Variants in CADM3 observed in about 807,000 individuals in gnomAD.
CADM3 encodes the protein TSLC1-like 1.
In CADM3, 11 loss-of-function variants were observed where a neutral mutation model predicts 44.9. The observed-to-expected ratio is 0.25, with a 90% CI of 0.15 to 0.41. CADM3 has a LOEUF of 0.41. Ranked by LOEUF, CADM3 falls within the 10% of genes least tolerant of loss-of-function variation. The pLI, the probability that CADM3 is intolerant of heterozygous loss-of-function variation, is 1.00. For missense variants in CADM3, 426 were observed against 512.0 expected, an observed-to-expected ratio of 0.83 and a Z score of 1.62; for synonymous variants, 207 against 205.2, an observed-to-expected ratio of 1.01 and a Z score of -0.08.
intron 1 of CADM3, 24 bp from the exon 2 acceptor site, chr1:159,191,912 A>T (rs200044834): frequency 6.2e-7 from 1 of 1,613,584 alleles, no homozygotes; most frequent in Non-Finnish European, 8.5e-7. Context: ...TCCTCAGGAA[A>T]CTAACACTCT....
intron 3 of CADM3, 101 bp from the exon 4 acceptor site, chr1:159,193,322 T>C: frequency 1.6e-6 from 2 of 1,240,202 alleles, no homozygotes; most frequent in Non-Finnish European, 2.3e-6. Flanking sequence ...GAAATTATAG[T>C]AGAACCCAGG....
intron 5 of CADM3, chr1:159,195,159 C>T (rs1649836651): frequency 6.6e-6 from 1 of 152,348 alleles, no homozygotes. Context: ...ATTTGGCAGA[C>T]TCAATCCACA....
At chr1:159,189,778 G>C in intron 1 of CADM3, 1 of 1,605,372 alleles carries the variant, frequency 6.2e-7, no homozygotes. Flanking sequence ...CAGGCTACTG[G>C]CAGGAGCAGG....
At chr1:159,182,218 G>A (rs1314161524) in intron 1 of CADM3, among the ~76,000 whole-genome samples, 2 of 152,176 alleles carry the variant, frequency 1.3e-5, no homozygotes, top group East Asian at 3.8e-4. Flanking sequence ...AGTGTAAGAA[G>A]ATGCCATCCG....
intron 1 of CADM3, chr1:159,189,963 T>C: frequency 2.5e-6 from 2 of 808,804 alleles, no homozygotes; most frequent in Non-Finnish European, 4.1e-6. Flanking sequence ...CACCACATGT[T>C]CTCACTCCTC....
intron 8 of CADM3, 23 bp from the exon 9 acceptor site, chr1:159,200,781 G>C: frequency 6.4e-7 from 1 of 1,550,994 alleles, no homozygotes; most frequent in South Asian, 1.2e-5. Context: ...CTCCTGAGAG[G>C]AGAAGCCTCT....
chr1:159,175,402 T>G (rs1402738401), intron 1 of CADM3, among the ~76,000 whole-genome samples: 2 of 152,242 alleles, frequency 1.3e-5, no homozygotes, highest in Non-Finnish European at 2.9e-5. Context: ...GTTATGCCAT[T>G]CTATTCTAAG....
At chr1:159,181,582 T>C (rs1226399931) in intron 1 of CADM3, among the ~76,000 whole-genome samples, 2 of 152,234 alleles carry the variant, frequency 1.3e-5, no homozygotes, top group Non-Finnish European at 2.9e-5. Context: ...TAGATGCTTG[T>C]CTAGAGCACA....
rs754781549 is a variant in CADM3, at chr1:159,185,394, T to C, written c.89-6542T>C. On this transcript the variant is annotated intron_variant, in intron 1 of 8. Transcript: ENST00000368125. ...ATCTTTCCCAGTTTACGCTCTACCC[T>C]ACCACCACACACACAAAATACATGC... 5.3e-5 allele frequency among the ~76,000 whole-genome samples: 8 copies of C among 151,840 alleles called. No homozygotes were observed. The South Asian group carries it at 1.7e-3, about 32-fold the overall frequency.
Position 159,197,359 on chromosome 1 carries a change from C to T in CADM3, c.952+299C>T, listed in dbSNP as rs1649948663. ...TTGTCTGACAACAAGAACAATAATT[C>T]TGTGTGCAGAGGCCCCAAAGCCTCT... On this transcript the variant is annotated intron_variant, in intron 7 of 8. Coordinates refer to ENST00000368125, the MANE Select transcript of CADM3 (RefSeq NM_001127173.3). The T allele has an allele frequency of 1.4e-5, 4 of 288,528 alleles. No homozygotes were observed. In the East Asian group the frequency reaches 2.9e-4, roughly 21 times the overall value. 17.9% of individuals were successfully genotyped at this position (288,528 alleles called of 1,614,324 possible). A position where few individuals can be genotyped will look rare whatever the true frequency, so the allele number is the denominator to read the frequency against.
chr1:159,189,886 C>G (rs778793497), intron 1 of CADM3: 2 of 1,563,472 alleles, frequency 1.3e-6, no homozygotes, highest in African/African-American at 2.7e-5. Context: ...AGAATCCAGG[C>G]CCCCTCATCT....
chr1:159,176,562 C>G (rs2102092090), intron 1 of CADM3, among the ~76,000 whole-genome samples: 1 of 152,276 alleles, frequency 6.6e-6, no homozygotes, highest in Non-Finnish European at 1.5e-5. Context: ...GGCTAGAGAC[C>G]TGTTTCTGCC....
chr1:159,173,006 C>G (rs907398391), intron 1 of CADM3, among the ~76,000 whole-genome samples: 1 of 152,042 alleles, frequency 6.6e-6, no homozygotes, highest in East Asian at 1.9e-4. Context: ...TCCTCCTCCC[C>G]CCACCGCCCT....
intron 1 of CADM3, among the ~76,000 whole-genome samples, chr1:159,175,971 G>T (rs1236634810): frequency 6.6e-6 from 1 of 152,150 alleles, no homozygotes; most frequent in East Asian, 1.9e-4. Flanking sequence ...TGTAAAACAG[G>T]ATCAAAAGTT....
At position 159,193,970 on chromosome 1, in the gene CADM3, C is replaced by T. The variant is rs371655700; in HGVS notation, c.621C>T (p.Ile207=). The change falls in exon 5 of 9, where the codon ATC becomes ATT. Residue 207 remains isoleucine (I), a synonymous_variant. Coordinates refer to ENST00000368125, the MANE Select transcript of CADM3 (RefSeq NM_001127173.3). ...CCCGGGAGGATGATGGGGCGAGCAT[C>T]GTGTGCTCTGTGAACCATGAATCTC... The part of the protein sequence containing the change: ...QVTREDDGAS[I]VCSVNHESLK... The T allele has an allele frequency of 1.5e-5, 24 of 1,614,050 alleles. No individual in the cohort carries two copies. The highest frequency in any genetic ancestry group is 2.2e-5 in the East Asian group (1 of 44,896).
chr1:159,186,597 C>CGG (rs1649429206), intron 1 of CADM3, among the ~76,000 whole-genome samples: 4 of 152,140 alleles, frequency 2.6e-5, no homozygotes, highest in African/African-American at 9.7e-5. Context: ...CTTTCACAAC[C>CGG]CAGGTTATAA....
chr1:159,198,256 CAG>C (rs763617742), intron 7 of CADM3: 4 of 152,320 alleles, frequency 2.6e-5, no homozygotes, highest in Middle Eastern at 3.4e-3. Context: ...TACCTAGAGA[CAG>C]GGGCCTGTAA....
chr1:159,174,341 C>T (rs1469923026), intron 1 of CADM3, among the ~76,000 whole-genome samples: 1 of 152,176 alleles, frequency 6.6e-6, no homozygotes, highest in Non-Finnish European at 1.5e-5. Context: ...CTATTTTGCA[C>T]ACAATCATGG....
In CADM3 at chr1:159,171,622, T is replaced by A. The variant is rs1219755844; in HGVS notation, c.-144T>A. ...CGCGACTGCAGCAGCGCCGGCTCCC[T>A]CCCGGTCCCCACCTCGGCCCCGGGC... On this transcript the variant is annotated 5_prime_UTR_variant, in exon 1 of 9. Coordinates refer to ENST00000368125, the MANE Select transcript of CADM3 (RefSeq NM_001127173.3). 4 of 412,652 alleles carry A rather than the reference T, an allele frequency of 9.7e-6. No homozygotes were observed. The highest frequency in any genetic ancestry group is 1.5e-5 in the Non-Finnish European group (4 of 260,234). 25.6% of individuals were successfully genotyped at this position (412,652 alleles called of 1,614,324 possible).
Sources: allele counts gnomAD v4.1 joint callset (sites outside exome capture counted in the v4.1 genomes callset), GRCh38; gene constraint gnomAD v4.1.1; transcripts MANE v1.5; gene names NCBI Gene and HGNC (gene_info 2026-07-23, HGNC 2026-07-21).